TASP1: variants seen among roughly 807,000 people sequenced by gnomAD.
TASP1 encodes the protein threonine aspartase 1.
In TASP1, 16 loss-of-function variants were observed where a neutral mutation model predicts 56.6. The ratio of observed to expected loss-of-function variants is 0.28; its 90% CI spans 0.19 to 0.43. The LOEUF (loss-of-function observed/expected upper bound fraction) is 0.43. TASP1 is among the 20% of genes least tolerant of loss of function. The pLI is 1.00. For missense variants in TASP1, 393 were observed against 511.6 expected (o/e 0.77, Z 2.24); for synonymous variants, 179 against 184.2 (o/e 0.97, Z 0.23).
At chr20:13,605,753 G>A (rs759966464) in intron 4 of TASP1, among the ~76,000 whole-genome samples, 24 of 152,106 alleles carry the variant, frequency 1.6e-4, no homozygotes, top group Non-Finnish European at 4.4e-5. Context: ...CTGATCTTCT[G>A]ATGTAACTCA....
the TASP1 span, among the ~76,000 whole-genome samples, chr20:13,224,848 T>C: frequency 1.4e-5 from 2 of 141,628 alleles, no homozygotes; most frequent in East Asian, 2.0e-4. Flanking sequence ...TTTCTTTTTT[T>C]TTTTTTTTTT....
chr20:13,604,526 C>A (rs1277818933), intron 4 of TASP1, among the ~76,000 whole-genome samples: 1 of 152,140 alleles, frequency 6.6e-6, no homozygotes, highest in Non-Finnish European at 1.5e-5. Context: ...GCCAAATAAA[C>A]CTCTTTTCTT....
At chr20:13,268,067 G>A in the TASP1 span, among the ~76,000 whole-genome samples, 72 of 151,818 alleles carry the variant, frequency 4.7e-4, no homozygotes, top group South Asian at 7.7e-3. Flanking sequence ...GGATGTCATC[G>A]AGAAATCTTA....
chr20:13,199,599 T>G, the TASP1 span, among the ~76,000 whole-genome samples: 2 of 152,200 alleles, frequency 1.3e-5, no homozygotes, highest in Non-Finnish European at 2.9e-5. Context: ...ACAAGAGAGA[T>G]TCCCAGGAAT....
At chr20:13,132,552 A>C in the TASP1 span, among the ~76,000 whole-genome samples, 1 of 152,284 alleles carries the variant, frequency 6.6e-6, no homozygotes, top group South Asian at 2.1e-4. Context: ...GCCCTCACTA[A>C]AAGGTAAACT....
the TASP1 span, among the ~76,000 whole-genome samples, chr20:13,227,869 G>C: frequency 2.0e-5 from 3 of 151,464 alleles, no homozygotes; most frequent in Admixed American, 6.6e-5. Flanking sequence ...TCTATCTTAG[G>C]AATCAATTCT....
the TASP1 span, among the ~76,000 whole-genome samples, chr20:13,198,855 TTTCC>T: frequency 6.1e-3 from 455 of 74,556 alleles, 4 homozygotes; most frequent in Non-Finnish European, 7.7e-3. Flanking sequence ...TCTTTCTTTC[TTTCC>T]TTCCTTCCTT....
chr20:13,262,249 C>T, the TASP1 span, among the ~76,000 whole-genome samples: 14 of 152,328 alleles, frequency 9.2e-5, no homozygotes, highest in Admixed American at 5.2e-4. Context: ...TGGAAGCCCC[C>T]TGGTGGCCAC....
Position 13,635,453 on chromosome 20 carries a change from C to T in TASP1, c.-75+3441G>A, listed in dbSNP as rs55862056. 3.0e-3 allele frequency among the ~76,000 whole-genome samples: 443 copies of T among 147,494 alleles called. 3 individuals carry two copies. Among genetic ancestry groups the T allele is most frequent in the Non-Finnish European group, 5.1e-3 (346 of 67,392 alleles). On this transcript the variant is annotated intron_variant, in intron 1 of 13. Coordinates refer to ENST00000337743, the MANE Select transcript of TASP1 (RefSeq NM_017714.3). Reference sequence around the variant, plus strand: ...CCTAGGCTGGAGTGCAGTGGCGCAACCTCAACTCACTGCAACCTCTGCCTC... The same window carrying T: ...CCTAGGCTGGAGTGCAGTGGCGCAATCTCAACTCACTGCAACCTCTGCCTC...
chr20:13,338,675 C>T, the TASP1 span, among the ~76,000 whole-genome samples: 7 of 152,294 alleles, frequency 4.6e-5, no homozygotes, highest in East Asian at 7.7e-4. Context: ...CACACCAATT[C>T]CTCATTGCAA....
chr20:13,130,191 C>G, the TASP1 span, among the ~76,000 whole-genome samples: 1 of 152,312 alleles, frequency 6.6e-6, no homozygotes, highest in African/African-American at 2.4e-5. Flanking sequence ...ATCAAATGAG[C>G]AGGACAGGTT....
At chr20:13,174,690 C>A in the TASP1 span, among the ~76,000 whole-genome samples, 3 of 144,168 alleles carry the variant, frequency 2.1e-5, no homozygotes, top group Non-Finnish European at 4.6e-5. Context: ...CAGAGTGAAA[C>A]CTTGTCACGA....
the TASP1 span, among the ~76,000 whole-genome samples, chr20:13,311,071 G>C: frequency 6.6e-6 from 1 of 152,130 alleles, no homozygotes; most frequent in Admixed American, 6.5e-5. Flanking sequence ...GCGGGTGCCT[G>C]TAATCCCAGC....
the TASP1 span, among the ~76,000 whole-genome samples, chr20:13,210,646 T>TAA: frequency 6.6e-6 from 1 of 151,372 alleles, no homozygotes; most frequent in African/African-American, 2.4e-5. Flanking sequence ...TGTGTGTGTG[T>TAA]GTAAACAGAA....
At chr20:13,601,749 G>A (rs146947305) in intron 4 of TASP1, among the ~76,000 whole-genome samples, 1 of 151,662 alleles carries the variant, frequency 6.6e-6, no homozygotes, top group East Asian at 1.9e-4. Flanking sequence ...TGTAAGGCAT[G>A]TGATACAAGT....
intron 10 of TASP1, among the ~76,000 whole-genome samples, chr20:13,503,055 T>C (rs1282695262): frequency 6.6e-6 from 1 of 152,180 alleles, no homozygotes; most frequent in Admixed American, 6.5e-5. Context: ...GGAAGCCCAC[T>C]TCTTTCTTGC....
the TASP1 span, among the ~76,000 whole-genome samples, chr20:13,274,643 C>T: frequency 6.6e-6 from 1 of 152,118 alleles, no homozygotes; most frequent in East Asian, 1.9e-4. Context: ...ATGCAAGAGT[C>T]CACGTCCCGC....
At chr20:13,217,567 A>C in the TASP1 span, among the ~76,000 whole-genome samples, 1 of 152,224 alleles carries the variant, frequency 6.6e-6, no homozygotes, top group Non-Finnish European at 1.5e-5. Context: ...AATGGGACCA[A>C]TAATGAAAGA....
chr20:13,560,931 G>T (rs551735497), intron 7 of TASP1, among the ~76,000 whole-genome samples: 1 of 152,298 alleles, frequency 6.6e-6, no homozygotes, highest in South Asian at 2.1e-4. Flanking sequence ...TAATCAAATT[G>T]TCAAAGGCCA....
Sources: allele counts gnomAD v4.1 joint callset (sites outside exome capture counted in the v4.1 genomes callset), GRCh38; gene constraint gnomAD v4.1.1; transcripts MANE v1.5; gene names NCBI Gene and HGNC (gene_info 2026-07-23, HGNC 2026-07-21).